The following PLCB4 variants were observed in gnomAD, a reference collection of about 807,000 sequenced individuals.
The protein encoded by PLCB4 is 1-phosphatidylinositol 4,5-bisphosphate phosphodiesterase beta-4.
Under a neutral mutation model 178.8 loss-of-function variants are expected in PLCB4, and 77 were observed. The ratio of observed to expected loss-of-function variants is 0.43; its 90% confidence interval spans 0.36 to 0.52. The LOEUF is 0.52. Among genes scored for constraint, PLCB4 ranks in the 20% least tolerant of loss-of-function variants. The pLI, the probability that PLCB4 is intolerant of heterozygous loss-of-function variation, is 0.00. For synonymous variants in PLCB4, 496 were observed against 490.8 expected (o/e 1.01, Z -0.14); for missense variants, 1,024 against 1,453.4 (o/e 0.70, Z 4.80).
intron 2 of PLCB4, among the ~76,000 whole-genome samples, chr20:9,125,075 C>A (rs556754427): frequency 1.3e-5 from 2 of 152,248 alleles, no homozygotes; most frequent in African/African-American, 2.4e-5. Context: ...GCCTGAAATA[C>A]GCTTGACTCC....
chr20:9,194,171 A>C (rs1255004812), intron 2 of PLCB4, among the ~76,000 whole-genome samples: 1 of 152,240 alleles, frequency 6.6e-6, no homozygotes. Context: ...TTAGAAAAAA[A>C]TGATTCCCAC....
At chr20:9,154,952 C>CTTCT (rs2092761609) in intron 2 of PLCB4, among the ~76,000 whole-genome samples, 1 of 135,512 alleles carries the variant, frequency 7.4e-6, no homozygotes, top group East Asian at 2.2e-4. Flanking sequence ...TCCTTCCTTC[C>CTTCT]TTCCTTCCTT....
chr20:9,182,733 G>A (rs1354456373), intron 2 of PLCB4, among the ~76,000 whole-genome samples: 1 of 152,192 alleles, frequency 6.6e-6, no homozygotes, highest in Non-Finnish European at 1.5e-5. Flanking sequence ...GTCACCCAGT[G>A]CTGAAACCTT....
At chr20:9,156,720 C>T (rs2092794299) in intron 2 of PLCB4, among the ~76,000 whole-genome samples, 1 of 151,818 alleles carries the variant, frequency 6.6e-6, no homozygotes, top group South Asian at 2.1e-4. Context: ...ATTATCTGTT[C>T]TTTGAGGGAT....
At chr20:9,307,494 T>TATATACACACACACAC (rs1396442853) in intron 3 of PLCB4, among the ~76,000 whole-genome samples, 39 of 138,096 alleles carry the variant, frequency 2.8e-4, no homozygotes, top group Middle Eastern at 3.5e-3. Flanking sequence ...AAAAAAAGAA[T>TATATACACACACACAC]ACACACACAC....
intron 2 of PLCB4, among the ~76,000 whole-genome samples, chr20:9,148,129 AG>A (rs1480281356): frequency 1.3e-5 from 2 of 152,172 alleles, no homozygotes; most frequent in African/African-American, 4.8e-5. Context: ...GACATCATCT[AG>A]TTCTAGTTGC....
chr20:9,090,559 A>G (rs1415994088), intron 1 of PLCB4, among the ~76,000 whole-genome samples: 1 of 151,000 alleles, frequency 6.6e-6, no homozygotes, highest in Non-Finnish European at 1.5e-5. Context: ...CCGTGGTAGA[A>G]GTGAGGACTT....
intron 2 of PLCB4, chr20:9,166,318 C>T (rs41306777): frequency 7.2e-4 from 110 of 152,266 alleles, no homozygotes; most frequent in African/African-American, 2.4e-3. Flanking sequence ...ATGTTTGGGG[C>T]CTCTTACTCA....
intron 17 of PLCB4, among the ~76,000 whole-genome samples, chr20:9,391,478 A>G (rs2038139242): frequency 6.6e-6 from 1 of 152,216 alleles, no homozygotes; most frequent in Non-Finnish European, 1.5e-5. Flanking sequence ...ACATCACAGC[A>G]AATGACAGCA....
chr20:9,232,491 CCATT>C (rs2093943839), intron 3 of PLCB4, among the ~76,000 whole-genome samples: 1 of 152,060 alleles, frequency 6.6e-6, no homozygotes. Flanking sequence ...AACAAGAAAA[CCATT>C]CAGAGTCTCA....
chr20:9,421,046 A>C (rs934275011), intron 26 of PLCB4, among the ~76,000 whole-genome samples: 1 of 147,210 alleles, frequency 6.8e-6, no homozygotes, highest in Non-Finnish European at 1.5e-5. Flanking sequence ...TGATTCATAT[A>C]TATTTTTTCT....
chr20:9,186,596 G>C (rs773662443), intron 2 of PLCB4, among the ~76,000 whole-genome samples: 2 of 152,144 alleles, frequency 1.3e-5, no homozygotes, highest in Non-Finnish European at 2.9e-5. Context: ...TGTCTTTCCT[G>C]TCTGGCCGTT....
intron 3 of PLCB4, among the ~76,000 whole-genome samples, chr20:9,288,061 A>G (rs1325099400): frequency 6.6e-6 from 1 of 152,112 alleles, no homozygotes; most frequent in African/African-American, 2.4e-5. Context: ...TTCTTGGCCT[A>G]TGTTCCCACT....
chr20:9,434,671 C>T (rs547274008), intron 28 of PLCB4, among the ~76,000 whole-genome samples: 36 of 151,794 alleles, frequency 2.4e-4, no homozygotes, highest in African/African-American at 5.8e-4. Flanking sequence ...CTACTGCGTC[C>T]GGCCAACCAT....
chr20:9,365,910 G>T (rs962635327), intron 9 of PLCB4, among the ~76,000 whole-genome samples: 5 of 152,172 alleles, frequency 3.3e-5, no homozygotes, highest in Non-Finnish European at 5.9e-5. Context: ...GTCTTGAGAA[G>T]TGTGATGCCT....
At chr20:9,194,566 G>C (rs1489838446) in intron 2 of PLCB4, among the ~76,000 whole-genome samples, 1 of 151,552 alleles carries the variant, frequency 6.6e-6, no homozygotes, top group East Asian at 1.9e-4. Flanking sequence ...CAGGCCAGGC[G>C]CCTGTAGTCC....
intron 3 of PLCB4, among the ~76,000 whole-genome samples, chr20:9,262,418 C>T (rs151207958): frequency 1.1e-3 from 163 of 152,170 alleles, no homozygotes; most frequent in African/African-American, 3.7e-3. Context: ...CCACTTGTCT[C>T]CCATGGGTTG....
At chr20:9,236,789 T>TA (rs2093998076) in intron 3 of PLCB4, among the ~76,000 whole-genome samples, 1 of 152,216 alleles carries the variant, frequency 6.6e-6, no homozygotes, top group Non-Finnish European at 1.5e-5. Context: ...GAATGCTATT[T>TA]AATCCAAAGG....
At chr20:9,083,617 G>T (rs2090265213) in intron 1 of PLCB4, among the ~76,000 whole-genome samples, 1 of 152,106 alleles carries the variant, frequency 6.6e-6, no homozygotes, top group Non-Finnish European at 1.5e-5. Context: ...AATTCTGCAG[G>T]TTAGGTATAA....
Sources: allele counts gnomAD v4.1 joint callset (sites outside exome capture counted in the v4.1 genomes callset), GRCh38; gene constraint gnomAD v4.1.1; transcripts MANE v1.5; gene names NCBI Gene and HGNC (gene_info 2026-07-23, HGNC 2026-07-21).